PLAA: variants seen among roughly 807,000 people sequenced by gnomAD.
PLAA encodes phospholipase A-2-activating protein.
In PLAA, 48 loss-of-function variants were observed where a neutral mutation model predicts 84.1. That is an observed-to-expected ratio of 0.57 (90% confidence interval 0.45 to 0.73). The LOEUF is 0.73. Among genes scored for constraint, PLAA ranks in the 30% least tolerant of loss-of-function variants. The pLI, the probability that PLAA is intolerant of heterozygous loss-of-function variation, is 0.00. For synonymous variants in PLAA, 392 were observed against 336.6 expected (o/e 1.16, Z -1.80); for missense variants, 903 against 954.7 (o/e 0.95, Z 0.71).
chr9:26,922,868 T>TA (rs1824813893), intron 7 of PLAA, among the ~76,000 whole-genome samples: 1 of 152,096 alleles, frequency 6.6e-6, no homozygotes, highest in Non-Finnish European at 1.5e-5. Context: ...ATTCAGTTTG[T>TA]AACCCCTCTC....
chr9:26,942,613 T>C (rs1210902972), intron 1 of PLAA, among the ~76,000 whole-genome samples: 1 of 143,076 alleles, frequency 7.0e-6, no homozygotes, highest in Non-Finnish European at 1.6e-5. Flanking sequence ...CCGGGCATGG[T>C]GGCTCACGCC....
intron 11 of PLAA, among the ~76,000 whole-genome samples, chr9:26,913,030 C>G (rs1374418640): frequency 3.9e-5 from 6 of 151,920 alleles, no homozygotes; most frequent in Non-Finnish European, 2.9e-5. Flanking sequence ...TGAGCCCAGC[C>G]CAGGCAACAA....
In PLAA at chr9:26,906,021, C is replaced by T; in HGVS notation, c.1878G>A (p.Val626=). Residue 626 remains valine, a synonymous_variant, in exon 14 of 14, where the codon GTG becomes GTA. Coordinates refer to ENST00000397292, the MANE Select transcript of PLAA (RefSeq NM_001031689.3). The part of the protein sequence containing the change: ...ILRLSIKHPS[V]NENFCNEKEG... The stretch of plus-strand genomic sequence containing the variant: ...CCTTTTCATTGCAGAAGTTCTCATT[C>T]ACACTGGGGTGTTTAATTGACAACC... The T allele has an allele frequency of 6.2e-7, 1 of 1,605,156 alleles. No homozygotes were observed. The highest frequency in any genetic ancestry group is 8.5e-7 in the Non-Finnish European group (1 of 1,174,722).
At chr9:26,916,181 CA>C (rs140619403) in intron 10 of PLAA, 46,143 of 985,152 alleles carry the variant, frequency 0.047, 1,417 homozygotes, top group African/African-American at 0.14. Context: ...TATGTTTGTC[CA>C]ATCTCTATGA....
Position 26,925,868 on chromosome 9 carries a change from A to C in PLAA, c.826T>G (p.Cys276Gly). The change falls in exon 6 of 14, where the codon TGC becomes GGC. Residue 276 changes from cysteine (C) to glycine (G), a missense_variant. Transcript: ENST00000397292. ...TIRLPAQSIW[C>G]CCVLDNGDIV... is the part of the protein sequence containing the mutation. ...TCACCATTGTCGAGCACACAGCAGCACCATATAGACTGAGCTGGAAGTCGG... is the reference window on the plus strand; with the variant it reads ...TCACCATTGTCGAGCACACAGCAGCCCCATATAGACTGAGCTGGAAGTCGG... The C allele has an allele frequency of 6.2e-7, 1 of 1,613,974 alleles. No homozygotes were observed. Among genetic ancestry groups the C allele is most frequent in the Non-Finnish European group, 8.5e-7 (1 of 1,179,854 alleles).
At chr9:26,946,578 C>G (rs10812500) in intron 1 of PLAA, among the ~76,000 whole-genome samples, 30,884 of 151,172 alleles carry the variant, frequency 0.2, 3,638 homozygotes, top group African/African-American at 0.32. Flanking sequence ...GGTGCAACTG[C>G]AATCAGTAAA....
chr9:26,932,701 G>A (rs1180168352), intron 2 of PLAA, among the ~76,000 whole-genome samples: 1 of 152,124 alleles, frequency 6.6e-6, no homozygotes, highest in Non-Finnish European at 1.5e-5. Context: ...TGGAAGGAGG[G>A]GGGAAGATGA....
chr9:26,909,437 CTTATACTCTGGT>C (rs112172185), intron 12 of PLAA, among the ~76,000 whole-genome samples: 7,405 of 152,102 alleles, frequency 0.049, 215 homozygotes, highest in South Asian at 0.098. Flanking sequence ...CTGACTCTGC[CTTATACTCTGGT>C]AAGTATGTTA....
rs970647642 is a variant in PLAA, at chr9:26,908,072, C to A, written c.1658-74G>T. On this transcript the variant is annotated intron_variant, in intron 12 of 13. Transcript: ENST00000397292. ...GATAATATATAAATGCCAAGACTTT[C>A]AATAAAAGTACTCTAGTGTACACCA... 45 of 1,100,760 alleles carry A rather than the reference C, an allele frequency of 4.1e-5. No individual in the cohort carries two copies. The Admixed American group carries it at 1.0e-3, about 25-fold the overall frequency. The allele number at this position is 1,100,760 out of a possible 1,614,324, so 68.2% of individuals were successfully genotyped here.
At chr9:26,946,814 G>C (rs1825739712) in intron 1 of PLAA, 83 bp downstream of exon 1, 3 of 1,428,410 alleles carry the variant, frequency 2.1e-6, no homozygotes, top group Non-Finnish European at 1.9e-6. Flanking sequence ...AGAGACGGCA[G>C]GACTGACAGG....
chr9:26,933,222 C>G (rs1825241430), intron 2 of PLAA, among the ~76,000 whole-genome samples: 6 of 151,204 alleles, frequency 4.0e-5, no homozygotes, highest in Admixed American at 4.0e-4. Context: ...GAGCCAAGAT[C>G]ACGCCACTGC....
chr9:26,909,556 T>C (rs370712608), intron 12 of PLAA, among the ~76,000 whole-genome samples: 1 of 152,064 alleles, frequency 6.6e-6, no homozygotes, highest in Admixed American at 6.5e-5. Flanking sequence ...CAAAACACTG[T>C]ATTTTGTTTT....
At chr9:26,927,127 CTT>C (rs10672584) in intron 4 of PLAA, among the ~76,000 whole-genome samples, 2 of 136,774 alleles carry the variant, frequency 1.5e-5, no homozygotes, top group African/African-American at 5.6e-5. Context: ...TTTTGTTTTT[CTT>C]TTTTTTTTTG....
At chr9:26,910,529 G>T in intron 11 of PLAA, 90 bp from the exon 12 acceptor site, 1 of 926,796 alleles carries the variant, frequency 1.1e-6, no homozygotes. Flanking sequence ...CACAATTATT[G>T]AGATATGCAA....
intron 10 of PLAA, among the ~76,000 whole-genome samples, chr9:26,914,845 C>G (rs907779295): frequency 6.6e-5 from 10 of 152,318 alleles, no homozygotes; most frequent in African/African-American, 1.9e-4. Context: ...ATTCAATACA[C>G]AGATTCCCAG....
intron 8 of PLAA, 49 bp downstream of exon 8, chr9:26,920,178 T>C (rs778428150): frequency 6.6e-7 from 1 of 1,505,752 alleles, no homozygotes; most frequent in African/African-American, 1.4e-5. Context: ...AACCTTTAAT[T>C]TGCCTAATAT....
chr9:26,932,306 C>A (rs1825214104), intron 2 of PLAA, among the ~76,000 whole-genome samples: 1 of 152,158 alleles, frequency 6.6e-6, no homozygotes, highest in Non-Finnish European at 1.5e-5. Context: ...GAAGGGTCAA[C>A]AAACTAATGC....
At chr9:26,930,350 C>T (rs1400442553) in intron 2 of PLAA, among the ~76,000 whole-genome samples, 2 of 152,152 alleles carry the variant, frequency 1.3e-5, no homozygotes, top group Middle Eastern at 3.4e-3. Context: ...ATGATCCGCC[C>T]GCCTTGGCCT....
At chr9:26,946,247 G>C (rs1386922083) in intron 1 of PLAA, among the ~76,000 whole-genome samples, 2 of 151,936 alleles carry the variant, frequency 1.3e-5, no homozygotes, top group African/African-American at 2.4e-5. Flanking sequence ...ACTCGATCAG[G>C]ACTGATTCCT....
Sources: gnomAD v4.1 joint callset for allele counts (sites outside exome capture counted in the v4.1 genomes callset) on GRCh38, gnomAD v4.1.1 for gene constraint, MANE v1.5 for transcripts, NCBI Gene and HGNC (gene_info 2026-07-23, HGNC 2026-07-21) for gene names.